SNX29: variants seen among roughly 807,000 people sequenced by gnomAD.
The protein encoded by SNX29 is sorting nexin 29.
In SNX29, 78 loss-of-function variants were observed where a neutral mutation model predicts 102.1. The ratio of observed to expected loss-of-function variants is 0.76; its 90% CI spans 0.64 to 0.92. SNX29 has a LOEUF of 0.92. Ranked by LOEUF, SNX29 falls within the 40% of genes least tolerant of loss-of-function variation. The pLI is 0.00. For synonymous variants in SNX29, 580 were observed against 414.5 expected (o/e 1.40, Z -4.85); for missense variants, 1,280 against 1,061.7 (o/e 1.21, Z -2.86).
At chr16:12,135,562 A>T (rs1367595024) in intron 13 of SNX29, 1 of 1,329,660 alleles carries the variant, frequency 7.5e-7, no homozygotes. Flanking sequence ...TATCTTTGCT[A>T]TTTTGTGAGG....
At chr16:12,429,009 A>G (rs1017055507) in intron 18 of SNX29, among the ~76,000 whole-genome samples, 4 of 152,252 alleles carry the variant, frequency 2.6e-5, no homozygotes, top group Admixed American at 6.5e-5. Flanking sequence ...GTCCCAACAC[A>G]TAGATACGAT....
chr16:12,561,987 G>T (rs559292622), intron 20 of SNX29, among the ~76,000 whole-genome samples: 1 of 152,124 alleles, frequency 6.6e-6, no homozygotes, highest in African/African-American at 2.4e-5. Flanking sequence ...TACCAGCTTG[G>T]TGACAATGGA....
chr16:12,490,326 T>G (rs1210647742), intron 19 of SNX29, among the ~76,000 whole-genome samples: 1 of 152,222 alleles, frequency 6.6e-6, no homozygotes, highest in Admixed American at 6.5e-5. Flanking sequence ...TCTGGCTTCT[T>G]TCTCTCAGCA....
intron 13 of SNX29, among the ~76,000 whole-genome samples, chr16:12,153,827 A>C (rs894784954): frequency 6.6e-6 from 1 of 152,040 alleles, no homozygotes; most frequent in South Asian, 2.1e-4. Context: ...TTTTTCCAGA[A>C]AGTTTTATGT....
intron 13 of SNX29, among the ~76,000 whole-genome samples, chr16:12,180,533 G>T (rs902917786): frequency 1.3e-5 from 2 of 150,532 alleles, no homozygotes; most frequent in African/African-American, 4.8e-5. Flanking sequence ...GCCCAGGCTG[G>T]AGTGCAGTGG....
At chr16:12,059,721 C>T (rs183094861) in intron 8 of SNX29, among the ~76,000 whole-genome samples, 386 of 152,292 alleles carry the variant, frequency 2.5e-3, no homozygotes, top group Middle Eastern at 0.01. Context: ...AGAAAGAAGA[C>T]TGTGTCATGA....
At chr16:12,515,170 C>T (rs1315508017) in intron 19 of SNX29, among the ~76,000 whole-genome samples, 3 of 152,160 alleles carry the variant, frequency 2.0e-5, no homozygotes, top group Non-Finnish European at 4.4e-5. Context: ...ACCCTGTCCT[C>T]ATTCTCCCCT....
intron 18 of SNX29, among the ~76,000 whole-genome samples, chr16:12,423,191 G>C (rs2084934287): frequency 6.6e-6 from 1 of 151,674 alleles, no homozygotes; most frequent in African/African-American, 2.4e-5. Flanking sequence ...CCAATGCATG[G>C]GGTTGTTTTT....
chr16:12,561,126 G>C (rs1185503093), intron 20 of SNX29: 2 of 228,254 alleles, frequency 8.8e-6, no homozygotes, highest in Non-Finnish European at 8.7e-6. Context: ...CCATCACGCA[G>C]TCCTGAGGCC....
At chr16:12,378,530 T>TC (rs1162708632) in intron 16 of SNX29, among the ~76,000 whole-genome samples, 3 of 152,110 alleles carry the variant, frequency 2.0e-5, no homozygotes, top group Admixed American at 2.0e-4. Context: ...GTGCCTGTAG[T>TC]CCCAGCTACT....
chr16:12,485,725 C>G (rs1339716528), intron 19 of SNX29, among the ~76,000 whole-genome samples: 1 of 152,184 alleles, frequency 6.6e-6, no homozygotes, highest in East Asian at 1.9e-4. Context: ...GGTTCGGTCT[C>G]TGTCCTTAAG....
At chr16:12,064,078 G>T (rs951381694) in intron 9 of SNX29, among the ~76,000 whole-genome samples, 1 of 152,052 alleles carries the variant, frequency 6.6e-6, no homozygotes, top group Non-Finnish European at 1.5e-5. Flanking sequence ...ACCTTGTCCC[G>T]TTCCCCATGG....
chr16:12,262,822 G>A (rs905923954), intron 14 of SNX29, among the ~76,000 whole-genome samples: 3 of 152,200 alleles, frequency 2.0e-5, no homozygotes, highest in African/African-American at 7.2e-5. Flanking sequence ...GGTTTTCCGT[G>A]TATTCACAGA....
chr16:12,153,185 C>A (rs1364363730), intron 13 of SNX29, among the ~76,000 whole-genome samples: 1 of 152,218 alleles, frequency 6.6e-6, no homozygotes, highest in East Asian at 1.9e-4. Flanking sequence ...ATCGCTTGAG[C>A]CCAGGAGTTC....
At chr16:11,976,924 T>A in intron 1 of SNX29, 111 bp downstream of exon 1, 1 of 1,243,754 alleles carries the variant, frequency 8.0e-7, no homozygotes, top group East Asian at 3.2e-5. Context: ...GCAGACCCCC[T>A]CCCAGTCGCT....
intron 9 of SNX29, among the ~76,000 whole-genome samples, chr16:12,064,088 G>C (rs1482531430): frequency 6.6e-6 from 1 of 152,074 alleles, no homozygotes; most frequent in Non-Finnish European, 1.5e-5. Context: ...GTTCCCCATG[G>C]AGGGGTCTTG....
At chr16:12,381,390 C>G (rs999658367) in intron 16 of SNX29, among the ~76,000 whole-genome samples, 4 of 104,380 alleles carry the variant, frequency 3.8e-5, no homozygotes, top group South Asian at 3.4e-4. Flanking sequence ...CACCCACCCA[C>G]TCATCATCCA....
intron 19 of SNX29, among the ~76,000 whole-genome samples, chr16:12,502,629 G>A (rs559805584): frequency 3.2e-4 from 49 of 152,294 alleles, no homozygotes; most frequent in Non-Finnish European, 5.7e-4. Flanking sequence ...TCTAGCCAAG[G>A]AATTCTTATC....
At chr16:12,446,653 G>C (rs1264193528) in intron 18 of SNX29, among the ~76,000 whole-genome samples, 1 of 152,136 alleles carries the variant, frequency 6.6e-6, no homozygotes, top group Non-Finnish European at 1.5e-5. Flanking sequence ...AGAGTTTCAT[G>C]GCAGTGGAGC....
Sources: allele counts gnomAD v4.1 joint callset (sites outside exome capture counted in the v4.1 genomes callset), GRCh38; gene constraint gnomAD v4.1.1; transcripts MANE v1.5; gene names NCBI Gene and HGNC (gene_info 2026-07-23, HGNC 2026-07-21).